NRG4: variants seen among roughly 807,000 people sequenced by gnomAD.
The protein encoded by NRG4 is pro-neuregulin-4, membrane-bound isoform.
Under a neutral mutation model 15.0 loss-of-function variants are expected in NRG4, and 10 were observed. The ratio of observed to expected loss-of-function variants is 0.67; its 90% confidence interval spans 0.41 to 1.13. The LOEUF (loss-of-function observed/expected upper bound fraction) is 1.13. Among genes scored for constraint, NRG4 ranks in the 50% most tolerant of loss-of-function variants. The pLI, the probability that NRG4 is intolerant of heterozygous loss-of-function variation, is 0.00. For missense variants in NRG4, 139 were observed against 140.2 expected, an observed-to-expected ratio of 0.99 and a Z score of 0.04; for synonymous variants, 41 against 50.1, an observed-to-expected ratio of 0.82 and a Z score of 0.77.
chr15:75,969,798 G>A lies in NRG4; in HGVS notation c.105-7824C>T, dbSNP rs143907259. Among the ~76,000 whole-genome samples, 14 of 152,274 alleles carry A rather than the reference G, an allele frequency of 9.2e-5. No homozygotes were observed. In the East Asian group the frequency reaches 2.3e-3, roughly 25 times the overall value. ...ATGAAGAATCTTTTTCAGAAGTAAG[G>A]TTACTAAAATAAAAAGTGTTAACAA... On this transcript the variant is annotated intron_variant, in intron 3 of 5. Transcript: ENST00000394907.
chr15:75,938,879 A>G (rs538981483), downstream of NRG4: 3 of 152,308 alleles, frequency 2.0e-5, no homozygotes, highest in South Asian at 2.1e-4. Flanking sequence ...CACTCAACCA[A>G]TGGGTCAAAG....
intron 5 of NRG4, among the ~76,000 whole-genome samples, chr15:76,020,852 A>C (rs1308264409): frequency 1.3e-5 from 2 of 152,232 alleles, no homozygotes; most frequent in Non-Finnish European, 2.9e-5. Flanking sequence ...TAAGGAAAGA[A>C]ACCATCTCCA....
intron 3 of NRG4, among the ~76,000 whole-genome samples, chr15:76,007,352 G>A (rs1596016662): frequency 6.6e-6 from 1 of 151,744 alleles, no homozygotes; most frequent in African/African-American, 2.4e-5. Context: ...ATGGAGAAAG[G>A]ATAGTCTTTA....
chr15:76,021,456 C>G (rs990796813), intron 5 of NRG4, among the ~76,000 whole-genome samples: 1 of 152,182 alleles, frequency 6.6e-6, no homozygotes, highest in African/African-American at 2.4e-5. Flanking sequence ...ATTTGTGTGA[C>G]TCACTTTATT....
intron 4 of NRG4, among the ~76,000 whole-genome samples, chr15:76,046,257 T>C (rs1194170063): frequency 2.0e-5 from 3 of 151,098 alleles, no homozygotes; most frequent in Admixed American, 1.3e-4. Context: ...AGAATTATTG[T>C]TAAAATGATA....
intron 3 of NRG4, among the ~76,000 whole-genome samples, chr15:75,994,266 C>G (rs1183125066): frequency 6.6e-6 from 1 of 152,176 alleles, no homozygotes. Context: ...TCTATGCATA[C>G]AAATTCAAGG....
chr15:75,967,198 T>C (rs1383334334), intron 3 of NRG4, among the ~76,000 whole-genome samples: 1 of 151,866 alleles, frequency 6.6e-6, no homozygotes, highest in Non-Finnish European at 1.5e-5. Context: ...ACTAGATTTT[T>C]ATAGGCCGAG....
In NRG4 at chr15:76,057,616, G is replaced by C. The variant is rs115366396; in HGVS notation, c.-327-597C>G. ...AGTTTGGGGAGGTGCTGTGAAGTAAGACATCACCAGGGGGCAGCATAGAGT... is the reference window on the plus strand; with the variant it reads ...AGTTTGGGGAGGTGCTGTGAAGTAACACATCACCAGGGGGCAGCATAGAGT... On this transcript the variant is annotated intron_variant, in intron 1 of 8. Transcript: ENST00000563910. 3.8e-3 allele frequency among the ~76,000 whole-genome samples: 583 copies of C among 152,156 alleles called. 3 individuals are homozygous for C. Among genetic ancestry groups the C allele is most frequent in the African/African-American group, 0.013 (523 of 41,512 alleles).
At chr15:75,960,237 C>T (rs1350480487) in intron 4 of NRG4, among the ~76,000 whole-genome samples, 1 of 152,156 alleles carries the variant, frequency 6.6e-6, no homozygotes, top group African/African-American at 2.4e-5. Flanking sequence ...TATTGGTCTT[C>T]CCCTTAGCAT....
intron 3 of NRG4, among the ~76,000 whole-genome samples, chr15:75,986,678 C>A (rs1042572815): frequency 6.6e-6 from 1 of 152,012 alleles, no homozygotes; most frequent in East Asian, 1.9e-4. Flanking sequence ...GATTTTTGGA[C>A]CATATAAATT....
intron 3 of NRG4, among the ~76,000 whole-genome samples, chr15:75,994,427 C>T (rs2034136668): frequency 6.6e-6 from 1 of 152,176 alleles, no homozygotes; most frequent in Non-Finnish European, 1.5e-5. Flanking sequence ...AGGGGCTGTC[C>T]TCAGGCAACA....
intron 4 of NRG4, among the ~76,000 whole-genome samples, chr15:76,039,743 C>G (rs1357503570): frequency 6.6e-6 from 1 of 151,972 alleles, no homozygotes; most frequent in African/African-American, 2.4e-5. Flanking sequence ...TATTAATAAC[C>G]AAGTACAAAA....
In NRG4 at chr15:75,941,611, A is replaced by G. The variant is rs1446499972; in HGVS notation, c.*2027T>C. 4 of 152,226 alleles carry G rather than the reference A, an allele frequency of 2.6e-5. No homozygotes were observed. The highest frequency in any genetic ancestry group is 5.9e-5 in the Non-Finnish European group (4 of 68,018). 9.4% of individuals were successfully genotyped at this position (152,226 alleles called of 1,614,324 possible). A position where few individuals can be genotyped will look rare whatever the true frequency, so the allele number is the denominator to read the frequency against. On this transcript the variant is annotated 3_prime_UTR_variant, in exon 6 of 6. Coordinates refer to ENST00000394907, the MANE Select transcript of NRG4 (RefSeq NM_138573.4). Reference sequence around the variant, plus strand: ...AGCCATAAAAAGGAAATCCTTCTACATACTACATCATGGATGAACCTTTCA... The same window carrying G: ...AGCCATAAAAAGGAAATCCTTCTACGTACTACATCATGGATGAACCTTTCA...
chr15:75,951,962 C>A (rs2031927110), intron 5 of NRG4, among the ~76,000 whole-genome samples: 1 of 152,224 alleles, frequency 6.6e-6, no homozygotes, highest in East Asian at 1.9e-4. Context: ...GAAGGACTTC[C>A]TTTAACATTT....
intron 4 of NRG4, among the ~76,000 whole-genome samples, chr15:76,050,808 A>ATT: frequency 7.2e-6 from 1 of 138,192 alleles, no homozygotes; most frequent in African/African-American, 2.7e-5. Flanking sequence ...TCCAAAACTA[A>ATT]TTTTTTTTTT....
In NRG4 at chr15:76,009,242, C is replaced by T. The variant is rs2032178287; in HGVS notation, c.62G>A (p.Gly21Glu). 1 of 1,605,094 alleles carries T rather than the reference C, an allele frequency of 6.2e-7. No homozygotes were observed. ...AATAGTAGGTATCACATAACAAAGC[C>T]CCCCATTCAGGCAAAACGACTTGTG... Reference protein sequence around the residue: ...PSHKSFCLNGGLCYVIPTIPS... With the variant: ...PSHKSFCLNGELCYVIPTIPS... The change falls in exon 3 of 6, where the codon GGG becomes GAG. Residue 21 changes from glycine to glutamate, a missense_variant. Coordinates refer to ENST00000394907, the MANE Select transcript of NRG4 (RefSeq NM_138573.4).
At chr15:75,954,749 T>G (rs1003537133) in intron 5 of NRG4, among the ~76,000 whole-genome samples, 5 of 152,128 alleles carry the variant, frequency 3.3e-5, no homozygotes, top group African/African-American at 1.2e-4. Flanking sequence ...ATTTCTCATT[T>G]TGAGCACATT....
At chr15:76,039,845 T>C (rs1336992918) in intron 4 of NRG4, among the ~76,000 whole-genome samples, 4 of 152,102 alleles carry the variant, frequency 2.6e-5, no homozygotes, top group Non-Finnish European at 5.9e-5. Flanking sequence ...GCCAGGAGTT[T>C]GAGACCAGCC....
intron 4 of NRG4, among the ~76,000 whole-genome samples, chr15:75,957,670 C>T (rs1032104701): frequency 1.3e-5 from 2 of 152,138 alleles, no homozygotes; most frequent in African/African-American, 4.8e-5. Flanking sequence ...TCTGCCTTTA[C>T]TTTTTCAAAT....
Sources: allele counts gnomAD v4.1 joint callset (sites outside exome capture counted in the v4.1 genomes callset), GRCh38; gene constraint gnomAD v4.1.1; transcripts MANE v1.5; gene names NCBI Gene and HGNC (gene_info 2026-07-23, HGNC 2026-07-21).